MAGI2: variants seen among roughly 807,000 people sequenced by gnomAD.
MAGI2 encodes the protein membrane associated guanylate kinase, WW and PDZ domain containing 2, also known as membrane-associated guanylate kinase, WW and PDZ domain-containing protein 2.
In MAGI2, 35 loss-of-function variants were observed where a neutral mutation model predicts 133.3. That is an observed-to-expected ratio of 0.26 (90% CI 0.20 to 0.35). The LOEUF is 0.35. Among genes scored for constraint, MAGI2 ranks in the 10% least tolerant of loss-of-function variants. MAGI2 has a pLI of 1.00. For missense variants in MAGI2, 1,636 were observed against 1,863.4 expected (o/e 0.88, Z 2.25); for synonymous variants, 729 against 710.6 (o/e 1.03, Z -0.41).
At chr7:79,262,830 C>G (rs1439356503) in intron 1 of MAGI2, among the ~76,000 whole-genome samples, 1 of 152,188 alleles carries the variant, frequency 6.6e-6, no homozygotes, top group East Asian at 1.9e-4. Flanking sequence ...CTTTCAAATA[C>G]TTTTATAAGC....
chr7:79,288,435 CCTA>C (rs1328026053), intron 1 of MAGI2, among the ~76,000 whole-genome samples: 1 of 151,932 alleles, frequency 6.6e-6, no homozygotes, highest in African/African-American at 2.4e-5. Flanking sequence ...TAAACATTTC[CCTA>C]CTATTACACT....
chr7:78,313,429 A>G (rs959343337), intron 9 of MAGI2, among the ~76,000 whole-genome samples: 1 of 152,134 alleles, frequency 6.6e-6, no homozygotes, highest in Non-Finnish European at 1.5e-5. Flanking sequence ...GACATAAAAA[A>G]ATTCAAATTC....
Position 78,481,313 on chromosome 7 carries a change from G to A in MAGI2, c.1045+8448C>T, listed in dbSNP as rs1243302514. The stretch of plus-strand genomic sequence containing the variant: ...ATCTTACATGGCGACAGGTGAGAGG[G>A]AGAGTGTGTGTGAGTGCAGGAAAAA... On this transcript the variant is annotated intron_variant, in intron 6 of 21. Coordinates refer to ENST00000354212, the MANE Select transcript of MAGI2 (RefSeq NM_012301.4). Among the ~76,000 whole-genome samples, 7 of 152,072 alleles carry A rather than the reference G, an allele frequency of 4.6e-5. No homozygotes were observed. The East Asian group carries it at 1.2e-3, about 25-fold the overall frequency.
chr7:78,273,412 T>C (rs1469788920), intron 9 of MAGI2, among the ~76,000 whole-genome samples: 2 of 152,216 alleles, frequency 1.3e-5, no homozygotes, highest in South Asian at 4.1e-4. Context: ...CAATTATGTG[T>C]GTTGGGGTTG....
intron 2 of MAGI2, among the ~76,000 whole-genome samples, chr7:78,952,933 A>G (rs1229452561): frequency 6.6e-6 from 1 of 152,286 alleles, no homozygotes; most frequent in African/African-American, 2.4e-5. Context: ...ATATTTGGCA[A>G]CAAATGTTTT....
At chr7:79,125,573 G>A (rs932404540) in intron 1 of MAGI2, 18 of 505,422 alleles carry the variant, frequency 3.6e-5, no homozygotes, top group African/African-American at 3.5e-4. Context: ...AGCTGTATCA[G>A]TGGAGGAGGT....
At chr7:78,102,349 T>C (rs1231924763) in intron 20 of MAGI2, among the ~76,000 whole-genome samples, 1 of 152,064 alleles carries the variant, frequency 6.6e-6, no homozygotes, top group Non-Finnish European at 1.5e-5. Context: ...TCTTACATGT[T>C]CTCACCACCA....
intron 1 of MAGI2, among the ~76,000 whole-genome samples, chr7:79,383,404 A>G (rs2129144440): frequency 6.6e-6 from 1 of 151,776 alleles, no homozygotes; most frequent in Non-Finnish European, 1.5e-5. Flanking sequence ...GGGTTCAGTA[A>G]TATTAAAATG....
chr7:79,154,956 A>G (rs1044833259), intron 1 of MAGI2, among the ~76,000 whole-genome samples: 1 of 152,164 alleles, frequency 6.6e-6, no homozygotes, highest in African/African-American at 2.4e-5. Flanking sequence ...TTCCCTTCAC[A>G]CTATATTCTC....
intron 2 of MAGI2, among the ~76,000 whole-genome samples, chr7:78,906,674 A>G (rs1457670188): frequency 6.6e-6 from 1 of 152,202 alleles, no homozygotes; most frequent in Non-Finnish European, 1.5e-5. Flanking sequence ...TAAGTTATAA[A>G]GGAGGCTGAG....
At chr7:79,047,274 T>A (rs1030863352) in intron 1 of MAGI2, among the ~76,000 whole-genome samples, 1 of 152,124 alleles carries the variant, frequency 6.6e-6, no homozygotes, top group African/African-American at 2.4e-5. Flanking sequence ...CATTTTACAA[T>A]AAAATAATGT....
At chr7:78,390,301 C>G (rs1795781888) in intron 6 of MAGI2, among the ~76,000 whole-genome samples, 1 of 152,132 alleles carries the variant, frequency 6.6e-6, no homozygotes, top group African/African-American at 2.4e-5. Flanking sequence ...AAGAGATTTT[C>G]AGATATTATT....
intron 20 of MAGI2, among the ~76,000 whole-genome samples, chr7:78,099,259 A>G (rs1817990398): frequency 6.6e-6 from 1 of 152,202 alleles, no homozygotes; most frequent in South Asian, 2.1e-4. Context: ...TTTCTCAAAG[A>G]ATTATTCATA....
chr7:79,138,964 A>T lies in MAGI2; in HGVS notation c.302-131758T>A, dbSNP rs114223947. 5.8e-3 allele frequency among the ~76,000 whole-genome samples: 805 copies of T among 138,850 alleles called. 6 individuals are homozygous for T. Among genetic ancestry groups the T allele is most frequent in the African/African-American group, 0.02 (734 of 37,300 alleles). The allele number at this position is 138,850 out of a possible 152,430, so 91.1% of individuals were successfully genotyped here. A position where few individuals can be genotyped will look rare whatever the true frequency, so the allele number is the denominator to read the frequency against. On this transcript the variant is annotated intron_variant, in intron 1 of 21. Coordinates refer to ENST00000354212, the MANE Select transcript of MAGI2 (RefSeq NM_012301.4). Reference sequence around the variant, plus strand: ...GCATTCCAGCCTGGATGACAGAGACAGACTCTTGTCTCAAAAAAAAAAAAA... The same window carrying T: ...GCATTCCAGCCTGGATGACAGAGACTGACTCTTGTCTCAAAAAAAAAAAAA...
chr7:78,837,457 T>A (rs1237688793), intron 2 of MAGI2, among the ~76,000 whole-genome samples: 1 of 152,174 alleles, frequency 6.6e-6, no homozygotes, highest in East Asian at 1.9e-4. Context: ...TCCATTTTTA[T>A]TATGGAAGAT....
At chr7:79,095,097 T>C (rs1486920454) in intron 1 of MAGI2, among the ~76,000 whole-genome samples, 1 of 152,212 alleles carries the variant, frequency 6.6e-6, no homozygotes, top group African/African-American at 2.4e-5. Context: ...TTTGCCTACA[T>C]TAAAAATCTG....
At chr7:79,028,198 G>A (rs982645133) in intron 1 of MAGI2, among the ~76,000 whole-genome samples, 26 of 105,462 alleles carry the variant, frequency 2.5e-4, no homozygotes, top group Non-Finnish European at 4.4e-4. Context: ...GTGACAAAGC[G>A]AGACTCCATC....
chr7:78,571,286 G>A (rs901324395), intron 3 of MAGI2, among the ~76,000 whole-genome samples: 5 of 152,108 alleles, frequency 3.3e-5, no homozygotes, highest in African/African-American at 7.2e-5. Flanking sequence ...ATTAAGAAAA[G>A]AATGACTAGG....
intron 11 of MAGI2, chr7:78,197,724 G>T (rs1046758741): frequency 6.7e-6 from 1 of 148,444 alleles, no homozygotes; most frequent in African/African-American, 2.4e-5. Flanking sequence ...CTCTGTCAGG[G>T]TTTCCTAAAA....
Sources: allele counts gnomAD v4.1 joint callset (sites outside exome capture counted in the v4.1 genomes callset), GRCh38; gene constraint gnomAD v4.1.1; transcripts MANE v1.5; gene names NCBI Gene and HGNC (gene_info 2026-07-23, HGNC 2026-07-21).